The following CCDC178 variants were observed in gnomAD, a reference collection of about 807,000 sequenced individuals.
CCDC178 encodes the protein coiled-coil domain containing 178.
A neutral mutation model predicts 117.4 loss-of-function variants in CCDC178; 126 were observed. The ratio of observed to expected loss-of-function variants is 1.07; its 90% CI spans 0.93 to 1.24. The LOEUF (loss-of-function observed/expected upper bound fraction) is 1.24, where lower values mean the gene tolerates loss of function less well. CCDC178 is among the 50% of genes most tolerant of loss of function. CCDC178 has a pLI of 0.00. For missense variants in CCDC178, 1,030 were observed against 986.9 expected (o/e 1.04, Z -0.59); for synonymous variants, 283 against 313.4 (o/e 0.90, Z 1.02).
chr18:33,427,994 CTT>C (rs2064144769), intron 2 of CCDC178, among the ~76,000 whole-genome samples: 1 of 152,098 alleles, frequency 6.6e-6, no homozygotes, highest in Non-Finnish European at 1.5e-5. Context: ...TGAATAAGTA[CTT>C]TTTGTCTCAA....
At chr18:33,344,006 T>C (rs966800405) in intron 9 of CCDC178, among the ~76,000 whole-genome samples, 3 of 152,092 alleles carry the variant, frequency 2.0e-5, no homozygotes, top group African/African-American at 7.2e-5. Context: ...GAGAAAGCTA[T>C]TAACTTTAAA....
At chr18:33,299,779 A>AG (rs2062152400) in intron 11 of CCDC178, among the ~76,000 whole-genome samples, 1 of 151,388 alleles carries the variant, frequency 6.6e-6, no homozygotes, top group Admixed American at 6.6e-5. Context: ...AACAGAAAAA[A>AG]AAAAAACACA....
chr18:33,348,992 A>C lies in CCDC178; in HGVS notation c.372-17T>G. The C allele has an allele frequency of 1.3e-6, 2 of 1,537,512 alleles. No homozygotes were observed. The highest frequency in any genetic ancestry group is 1.8e-6 in the Non-Finnish European group (2 of 1,123,054). On this transcript the variant is annotated splice_polypyrimidine_tract_variant and intron_variant, in intron 7 of 22. Coordinates refer to ENST00000383096, the MANE Select transcript of CCDC178 (RefSeq NM_001105528.4). ...GTTCTGCTCCTATATAATGGGAAAG[A>C]AGCAAGCAGTAAAGAAGTACTTAAA...
intron 21 of CCDC178, among the ~76,000 whole-genome samples, chr18:33,035,903 C>CT (rs989146695): frequency 6.6e-6 from 1 of 151,834 alleles, no homozygotes; most frequent in South Asian, 2.1e-4. Flanking sequence ...AATATTCTGA[C>CT]TTTTTTTAGT....
At chr18:33,287,470 A>G (rs2060112832) in intron 12 of CCDC178, among the ~76,000 whole-genome samples, 1 of 152,114 alleles carries the variant, frequency 6.6e-6, no homozygotes. Context: ...ATATATACCC[A>G]ATTTCTCATC....
chr18:33,215,573 A>C lies in CCDC178; in HGVS notation c.2055T>G (p.Phe685Leu). 1 of 1,459,814 alleles carries C rather than the reference A, an allele frequency of 6.9e-7. No individual in the cohort carries two copies. The highest frequency in any genetic ancestry group is 9.1e-7 in the Non-Finnish European group (1 of 1,093,602). 90.4% of individuals were successfully genotyped at this position (1,459,814 alleles called of 1,614,324 possible). A position where few individuals can be genotyped will look rare whatever the true frequency, so the allele number is the denominator to read the frequency against. ...ACTTTAATATTTCAAGTGTCTGATCAAAACTTTTCTTTTCTTCTTCTTTTG... is the reference window on the plus strand; with the variant it reads ...ACTTTAATATTTCAAGTGTCTGATCCAAACTTTTCTTTTCTTCTTCTTTTG... ...LKAKEEEKKSFDQTLEILKNK... is the reference protein window; with the variant it reads ...LKAKEEEKKSLDQTLEILKNK... The change falls in exon 19 of 23, where the codon TTT (phenylalanine) becomes TTG (leucine). Residue 685 changes from phenylalanine to leucine, a missense_variant. Physicochemically the swap from Phe to Leu is conservative, Grantham distance 22. Coordinates refer to ENST00000383096, the MANE Select transcript of CCDC178 (RefSeq NM_001105528.4).
At chr18:33,362,946 GA>G (rs71159824) in intron 6 of CCDC178, among the ~76,000 whole-genome samples, 40,897 of 151,602 alleles carry the variant, frequency 0.27, 5,863 homozygotes, top group East Asian at 0.48. Flanking sequence ...AATCACTTAG[GA>G]AGTCTGAGTA....
chr18:32,974,469 A>G, intron 22 of CCDC178, 78 bp downstream of exon 22: 1 of 1,346,442 alleles, frequency 7.4e-7, no homozygotes, highest in Non-Finnish European at 1.0e-6. Context: ...TATGGTTTTA[A>G]TGCTTCATCA....
At chr18:33,028,316 A>T (rs2056268653) in intron 21 of CCDC178, among the ~76,000 whole-genome samples, 2 of 151,844 alleles carry the variant, frequency 1.3e-5, no homozygotes, top group Non-Finnish European at 3.0e-5. Context: ...CTACAGATCC[A>T]GTTTTAAAAG....
chr18:33,213,207 C>T (rs535575872), intron 19 of CCDC178, among the ~76,000 whole-genome samples: 1 of 152,056 alleles, frequency 6.6e-6, no homozygotes, highest in South Asian at 2.1e-4. Context: ...GAATTCAAAT[C>T]TAGTCCTGCC....
intron 20 of CCDC178, among the ~76,000 whole-genome samples, chr18:33,120,911 T>A (rs1419107585): frequency 6.6e-6 from 1 of 152,092 alleles, no homozygotes; most frequent in Non-Finnish European, 1.5e-5. Context: ...GCATAACATG[T>A]TTTTGGTTGT....
At chr18:33,169,119 C>G (rs2058567647) in intron 20 of CCDC178, among the ~76,000 whole-genome samples, 1 of 152,152 alleles carries the variant, frequency 6.6e-6, no homozygotes, top group Non-Finnish European at 1.5e-5. Context: ...TCTAAAACTG[C>G]AGGTAAGTTA....
At chr18:33,197,093 T>C (rs922489183) in intron 20 of CCDC178, among the ~76,000 whole-genome samples, 1 of 152,158 alleles carries the variant, frequency 6.6e-6, no homozygotes, top group African/African-American at 2.4e-5. Flanking sequence ...AGTGGTGCTA[T>C]CATAGCTGTC....
intron 6 of CCDC178, among the ~76,000 whole-genome samples, chr18:33,360,824 C>T (rs1453496831): frequency 6.6e-6 from 1 of 151,464 alleles, no homozygotes; most frequent in Non-Finnish European, 1.5e-5. Context: ...AACTATAAAA[C>T]ATTAATGAAA....
chr18:33,066,668 T>C (rs937980566), intron 21 of CCDC178, among the ~76,000 whole-genome samples: 5 of 152,198 alleles, frequency 3.3e-5, no homozygotes, highest in African/African-American at 7.2e-5. Context: ...AGGTATTCCA[T>C]GCAGATCAAA....
chr18:32,978,561 T>C (rs946415186), intron 21 of CCDC178, among the ~76,000 whole-genome samples: 3 of 152,222 alleles, frequency 2.0e-5, no homozygotes, highest in African/African-American at 7.2e-5. Context: ...AAAGTTTACC[T>C]GATAAAAGGT....
chr18:33,158,152 C>T (rs1174696806), intron 20 of CCDC178, among the ~76,000 whole-genome samples: 1 of 152,122 alleles, frequency 6.6e-6, no homozygotes, highest in East Asian at 1.9e-4. Context: ...GTTTAAATTG[C>T]TTTCTTATCA....
In CCDC178 at chr18:33,215,542, G is replaced by T; in HGVS notation, c.2078+8C>A. 3.1e-6 allele frequency: 4 copies of T among 1,275,004 alleles called. No individual in the cohort carries two copies. The highest frequency in any genetic ancestry group is 3.2e-5 in the South Asian group (2 of 63,078). The allele number at this position is 1,275,004 out of a possible 1,614,324, so 79.0% of individuals were successfully genotyped here. ...AACTTCATATTTTGATAAAGTTTAA[G>T]TACTTACTTTAATATTTCAAGTGTC... is the stretch of plus-strand genomic sequence containing the variant. On this transcript the variant is annotated splice_region_variant and intron_variant, in intron 19 of 22. Coordinates refer to ENST00000383096, the MANE Select transcript of CCDC178 (RefSeq NM_001105528.4).
intron 15 of CCDC178, among the ~76,000 whole-genome samples, chr18:33,230,938 G>A (rs568690194): frequency 9.2e-5 from 14 of 152,256 alleles, no homozygotes; most frequent in African/African-American, 2.9e-4. Flanking sequence ...TAAAGGGAAC[G>A]AAAGCCCAGA....
Sources: allele counts gnomAD v4.1 joint callset (sites outside exome capture counted in the v4.1 genomes callset), GRCh38; gene constraint gnomAD v4.1.1; transcripts MANE v1.5; gene names NCBI Gene and HGNC (gene_info 2026-07-23, HGNC 2026-07-21).